ULK2: variants seen among roughly 807,000 people sequenced by gnomAD.
ULK2 encodes the protein unc-51 like autophagy activating kinase 2, also known as serine/threonine-protein kinase ULK2.
Under a neutral mutation model 127.5 loss-of-function variants are expected in ULK2, and 76 were observed. That is an observed-to-expected ratio of 0.60 (90% CI 0.50 to 0.72). ULK2 has a LOEUF of 0.72. Among genes scored for constraint, ULK2 ranks in the 30% least tolerant of loss-of-function variants. The pLI, the probability that ULK2 is intolerant of heterozygous loss-of-function variation, is 0.00. For synonymous variants in ULK2, 452 were observed against 461.9 expected (o/e 0.98, Z 0.28); for missense variants, 1,144 against 1,295.9 (o/e 0.88, Z 1.80).
intron 5 of ULK2, among the ~76,000 whole-genome samples, chr17:19,848,497 T>TG (rs2041943360): frequency 6.6e-6 from 1 of 152,172 alleles, no homozygotes; most frequent in African/African-American, 2.4e-5. Flanking sequence ...TTATCAAATA[T>TG]GGCCCAGTGT....
At chr17:19,812,067 G>A (rs2087653724) in intron 13 of ULK2, among the ~76,000 whole-genome samples, 1 of 152,110 alleles carries the variant, frequency 6.6e-6, no homozygotes, top group Non-Finnish European at 1.5e-5. Flanking sequence ...GACCCAAGAA[G>A]ATAGAACCTT....
intron 20 of ULK2, among the ~76,000 whole-genome samples, chr17:19,786,854 A>G (rs2087044214): frequency 6.6e-6 from 1 of 152,250 alleles, no homozygotes; most frequent in Admixed American, 6.5e-5. Flanking sequence ...AACTAACTCC[A>G]AATAGTAATC....
intron 3 of ULK2, among the ~76,000 whole-genome samples, chr17:19,861,750 C>T (rs1256243656): frequency 6.6e-5 from 10 of 152,292 alleles, no homozygotes; most frequent in African/African-American, 2.4e-4. Context: ...GTGAGGAGAA[C>T]CAACATTTCA....
chr17:19,788,299 A>C (rs1050565610), intron 20 of ULK2, among the ~76,000 whole-genome samples: 1 of 151,682 alleles, frequency 6.6e-6, no homozygotes, highest in African/African-American at 2.4e-5. Flanking sequence ...ACAGCAACAA[A>C]AGTGACTCCT....
intron 20 of ULK2, 102 bp from the exon 21 acceptor site, chr17:19,786,188 G>A: frequency 8.7e-7 from 1 of 1,147,606 alleles, no homozygotes; most frequent in Non-Finnish European, 1.2e-6. Flanking sequence ...GGAGTCTAGT[G>A]GTTTTTTTTT....
chr17:19,827,059 A>G (rs1420897434), intron 10 of ULK2, among the ~76,000 whole-genome samples: 2 of 152,186 alleles, frequency 1.3e-5, no homozygotes, highest in Non-Finnish European at 2.9e-5. Flanking sequence ...CATGGTTCAG[A>G]GCAACTCTCA....
chr17:19,828,563 G>C (rs1369818676), intron 10 of ULK2, among the ~76,000 whole-genome samples: 1 of 151,934 alleles, frequency 6.6e-6, no homozygotes, highest in Non-Finnish European at 1.5e-5. Flanking sequence ...GTAATCCGCA[G>C]GTAACCACAA....
chr17:19,849,332 C>G (rs2041962609), intron 5 of ULK2, 37 bp downstream of exon 5: 1 of 1,592,736 alleles, frequency 6.3e-7, no homozygotes, highest in Non-Finnish European at 8.6e-7. Context: ...GGCTGCAGCA[C>G]TGTCTTTACT....
chr17:19,803,568 T>G (rs2087446564), intron 15 of ULK2, among the ~76,000 whole-genome samples: 1 of 152,246 alleles, frequency 6.6e-6, no homozygotes, highest in African/African-American at 2.4e-5. Flanking sequence ...GACTAAACTT[T>G]GAGAACCACT....
intron 25 of ULK2, among the ~76,000 whole-genome samples, chr17:19,779,768 G>C (rs546122156): frequency 1.3e-5 from 2 of 152,130 alleles, no homozygotes; most frequent in Admixed American, 6.6e-5. Context: ...AAATTTGTGT[G>C]GATTGATTAA....
At chr17:19,791,006 AG>A (rs2087139936) in intron 20 of ULK2, among the ~76,000 whole-genome samples, 1 of 152,238 alleles carries the variant, frequency 6.6e-6, no homozygotes, top group Non-Finnish European at 1.5e-5. Flanking sequence ...AGATATATAA[AG>A]CAAATATTGT....
Position 19,867,511 on chromosome 17 carries a change from G to T in ULK2, c.-94C>A. 1 of 945,094 alleles carries T rather than the reference G, an allele frequency of 1.1e-6. No homozygotes were observed. Among genetic ancestry groups the T allele is most frequent in the Non-Finnish European group, 1.4e-6 (1 of 703,768 alleles). 58.5% of individuals were successfully genotyped at this position (945,094 alleles called of 1,614,324 possible). On this transcript the variant is annotated 5_prime_UTR_variant, in exon 1 of 27. Transcript: ENST00000395544. Reference sequence around the variant, plus strand: ...CTCCGCGGGCCCGGAGCGCGCCAGCGTGCGGCGGGTCTGGGGCAGCCGCAG... The same window carrying T: ...CTCCGCGGGCCCGGAGCGCGCCAGCTTGCGGCGGGTCTGGGGCAGCCGCAG...
Position 19,802,004 on chromosome 17 carries a change from T to C in ULK2, c.1296-82A>G, listed in dbSNP as rs929823547. 1.8e-5 allele frequency: 26 copies of C among 1,465,632 alleles called. No homozygotes were observed. The African/African-American group carries it at 3.6e-4, about 20-fold the overall frequency. The allele number at this position is 1,465,632 out of a possible 1,614,324, so 90.8% of individuals were successfully genotyped here. A position where few individuals can be genotyped will look rare whatever the true frequency, so the allele number is the denominator to read the frequency against. ...CATTTTCTGAAACTTCCTAACAATA[T>C]GCCACGGAGTAGTTTTCAAAAATAT... On this transcript the variant is annotated intron_variant, in intron 15 of 26. Coordinates refer to ENST00000395544, the MANE Select transcript of ULK2 (RefSeq NM_014683.4).
At chr17:19,825,959 C>A (rs1339304846) in intron 11 of ULK2, among the ~76,000 whole-genome samples, 180 bp downstream of exon 11, 1 of 136,700 alleles carries the variant, frequency 7.3e-6, no homozygotes, top group African/African-American at 2.6e-5. Flanking sequence ...GCACTCCAGC[C>A]TGGGCAACAA....
intron 20 of ULK2, among the ~76,000 whole-genome samples, chr17:19,793,477 C>T (rs184040826): frequency 1.3e-4 from 20 of 152,294 alleles, no homozygotes; most frequent in Admixed American, 3.3e-4. Context: ...GATCCCTTCA[C>T]CACATCATCC....
At chr17:19,798,332 T>G (rs903125034) in intron 17 of ULK2, among the ~76,000 whole-genome samples, 1 of 152,180 alleles carries the variant, frequency 6.6e-6, no homozygotes, top group African/African-American at 2.4e-5. Flanking sequence ...CCTGCAGATA[T>G]CCTTGCCTCT....
intron 15 of ULK2, among the ~76,000 whole-genome samples, chr17:19,803,598 A>G (rs1275716679): frequency 6.6e-6 from 1 of 152,192 alleles, no homozygotes; most frequent in African/African-American, 2.4e-5. Context: ...ACTGTTAATC[A>G]CTTTACTTTT....
chr17:19,777,448 T>A, intron 26 of ULK2, 133 bp downstream of exon 26: 1 of 968,492 alleles, frequency 1.0e-6, no homozygotes, highest in Non-Finnish European at 1.5e-6. Flanking sequence ...ACACAAAGGC[T>A]GTGATTTGCA....
chr17:19,852,276 C>T (rs1387122464), intron 3 of ULK2, among the ~76,000 whole-genome samples: 1 of 151,842 alleles, frequency 6.6e-6, no homozygotes. Flanking sequence ...AATCCCAGCA[C>T]TTTGGGAGGC....
Sources: allele counts gnomAD v4.1 joint callset (sites outside exome capture counted in the v4.1 genomes callset), GRCh38; gene constraint gnomAD v4.1.1; transcripts MANE v1.5; gene names NCBI Gene and HGNC (gene_info 2026-07-23, HGNC 2026-07-21).